Variants in ATXN7L1 observed in about 807,000 individuals in gnomAD.
ATXN7L1 encodes the protein ataxin-7-like protein 1.
In ATXN7L1, 15 loss-of-function variants were observed where a neutral mutation model predicts 70.8. The observed-to-expected ratio is 0.21, with a 90% confidence interval of 0.14 to 0.33. The LOEUF (loss-of-function observed/expected upper bound fraction) is 0.33, where lower values mean the gene tolerates loss of function less well. Ranked by LOEUF, ATXN7L1 falls within the 10% of genes least tolerant of loss-of-function variation. The pLI is 1.00. For missense variants in ATXN7L1, 975 were observed against 1,097.1 expected (o/e 0.89, Z 1.57); for synonymous variants, 440 against 445.1 (o/e 0.99, Z 0.14).
At chr7:105,731,386 C>T (rs1335452406) in intron 3 of ATXN7L1, among the ~76,000 whole-genome samples, 1 of 151,106 alleles carries the variant, frequency 6.6e-6, no homozygotes, top group South Asian at 2.1e-4. Context: ...AAAATAAAGT[C>T]TCTTTAAGAA....
At chr7:105,641,212 CTCTT>C (rs1178536826) in intron 5 of ATXN7L1, among the ~76,000 whole-genome samples, 2 of 64,034 alleles carry the variant, frequency 3.1e-5, no homozygotes, top group Admixed American at 1.9e-4. Context: ...CTCTCTCTCT[CTCTT>C]TTTTTTTTTT....
At chr7:105,654,011 T>C (rs1800245634) in intron 4 of ATXN7L1, among the ~76,000 whole-genome samples, 1 of 152,204 alleles carries the variant, frequency 6.6e-6, no homozygotes, top group African/African-American at 2.4e-5. Context: ...TCTACATCTA[T>C]GTGTCCTGAC....
chr7:105,680,354 GT>G (rs1240999404), intron 3 of ATXN7L1, among the ~76,000 whole-genome samples: 1 of 152,216 alleles, frequency 6.6e-6, no homozygotes, highest in Non-Finnish European at 1.5e-5. Flanking sequence ...TGAGTCCCCC[GT>G]GGGAGAATTA....
chr7:105,785,274 T>C (rs1179471455), intron 3 of ATXN7L1, among the ~76,000 whole-genome samples: 1 of 152,224 alleles, frequency 6.6e-6, no homozygotes, highest in African/African-American at 2.4e-5. Flanking sequence ...AAGACCAGCC[T>C]GGCCAACATG....
At chr7:105,783,096 T>C (rs1404330938) in intron 3 of ATXN7L1, among the ~76,000 whole-genome samples, 9 of 152,206 alleles carry the variant, frequency 5.9e-5, no homozygotes, top group Non-Finnish European at 1.2e-4. Context: ...CCTTATTTTA[T>C]AGACGAGGAA....
At chr7:105,719,933 C>T (rs771243307) in intron 3 of ATXN7L1, among the ~76,000 whole-genome samples, 27 of 152,306 alleles carry the variant, frequency 1.8e-4, no homozygotes, top group Admixed American at 4.6e-4. Context: ...GGAAAGGAGG[C>T]CTCTCTTCAG....
chr7:105,673,710 C>A (rs1274674726), intron 3 of ATXN7L1, among the ~76,000 whole-genome samples: 1 of 152,216 alleles, frequency 6.6e-6, no homozygotes, highest in Non-Finnish European at 1.5e-5. Flanking sequence ...GGAGCCAGGC[C>A]AGCTGTACTT....
chr7:105,842,781 A>G (rs1221928896), intron 2 of ATXN7L1, among the ~76,000 whole-genome samples: 1 of 152,214 alleles, frequency 6.6e-6, no homozygotes, highest in Non-Finnish European at 1.5e-5. Flanking sequence ...TGCTTTCCAC[A>G]GTGGCTGTGC....
chr7:105,733,729 T>A (rs200016599), intron 3 of ATXN7L1, among the ~76,000 whole-genome samples: 1 of 51,514 alleles, frequency 1.9e-5, no homozygotes, highest in Non-Finnish European at 3.5e-5. Context: ...CATCCATCCT[T>A]CCATCCATCC....
At chr7:105,725,067 T>C (rs1196851951) in intron 3 of ATXN7L1, among the ~76,000 whole-genome samples, 1 of 152,148 alleles carries the variant, frequency 6.6e-6, no homozygotes, top group Admixed American at 6.5e-5. Context: ...CTTAATTACA[T>C]ATGCAGACCC....
At chr7:105,717,127 T>C (rs1794660010) in intron 3 of ATXN7L1, among the ~76,000 whole-genome samples, 2 of 152,190 alleles carry the variant, frequency 1.3e-5, no homozygotes, top group Admixed American at 6.5e-5. Context: ...TTTCATGTTA[T>C]AAATTTATTT....
chr7:105,851,843 A>C (rs1440111418), intron 2 of ATXN7L1, among the ~76,000 whole-genome samples: 3 of 152,208 alleles, frequency 2.0e-5, no homozygotes, highest in Admixed American at 6.5e-5. Context: ...TTCATGCAAC[A>C]GGAGAGCTTC....
In ATXN7L1 at chr7:105,703,328, A is replaced by C. The variant is rs186952459; in HGVS notation, c.356-38040T>G. ...CTCAAAAAAAAAAAAAAAGCACTTA[A>C]GTATAACTTGTATTTTATTGTTTGT... On this transcript the variant is annotated intron_variant, in intron 3 of 11. Coordinates refer to ENST00000419735, the MANE Select transcript of ATXN7L1 (RefSeq NM_020725.2). 3.0e-3 allele frequency among the ~76,000 whole-genome samples: 451 copies of C among 151,622 alleles called. 1 individual carries two copies. The highest frequency in any genetic ancestry group is 9.7e-3 in the African/African-American group (398 of 41,188).
chr7:105,619,140 G>GGTTTTTT (rs1794376106), intron 9 of ATXN7L1, among the ~76,000 whole-genome samples: 1 of 49,846 alleles, frequency 2.0e-5, no homozygotes, highest in Non-Finnish European at 3.3e-5. Flanking sequence ...GAAATCTTTA[G>GGTTTTTT]TTTTTTTTTT....
intron 2 of ATXN7L1, among the ~76,000 whole-genome samples, chr7:105,874,339 T>C (rs1041515271): frequency 1.2e-4 from 18 of 152,162 alleles, no homozygotes; most frequent in Admixed American, 7.2e-4. Context: ...CTCATCATCT[T>C]TTATGGACAC....
At chr7:105,781,480 G>A (rs563273467) in intron 3 of ATXN7L1, among the ~76,000 whole-genome samples, 2 of 152,250 alleles carry the variant, frequency 1.3e-5, no homozygotes, top group East Asian at 3.9e-4. Flanking sequence ...CACACACACA[G>A]AGCATCATCC....
intron 3 of ATXN7L1, among the ~76,000 whole-genome samples, chr7:105,763,202 G>A (rs879488021): frequency 3.9e-5 from 6 of 152,174 alleles, no homozygotes; most frequent in Admixed American, 3.3e-4. Context: ...TAAGGCTCTC[G>A]TCTTCTCCTC....
chr7:105,849,264 A>G (rs1018087688), intron 2 of ATXN7L1, among the ~76,000 whole-genome samples: 2 of 152,132 alleles, frequency 1.3e-5, no homozygotes, highest in Non-Finnish European at 2.9e-5. Context: ...CCAGGGCGTC[A>G]CTCCTTGACA....
At chr7:105,610,501 T>TGCGCC in intron 11 of ATXN7L1, 28 bp downstream of exon 11, 1 of 1,526,734 alleles carries the variant, frequency 6.5e-7, no homozygotes, top group Non-Finnish European at 8.9e-7. Context: ...TATGAATTTT[T>TGCGCC]GCCCCACCCC....
Sources: allele counts gnomAD v4.1 joint callset (sites outside exome capture counted in the v4.1 genomes callset), GRCh38; gene constraint gnomAD v4.1.1; transcripts MANE v1.5; gene names NCBI Gene and HGNC (gene_info 2026-07-23, HGNC 2026-07-21).